Variants in VAV3 observed in about 807,000 individuals in gnomAD.
VAV3 encodes vav guanine nucleotide exchange factor 3, also known as guanine nucleotide exchange factor VAV3.
Under a neutral mutation model 131.2 loss-of-function variants are expected in VAV3, and 94 were observed. The ratio of observed to expected loss-of-function variants is 0.72; its 90% CI spans 0.61 to 0.85. The LOEUF is 0.85. Among genes scored for constraint, VAV3 ranks in the 40% least tolerant of loss-of-function variants. The pLI, the probability that VAV3 is intolerant of heterozygous loss-of-function variation, is 0.00. For synonymous variants in VAV3, 349 were observed against 342.0 expected, an observed-to-expected ratio of 1.02 and a Z score of -0.22; for missense variants, 939 against 1,002.7, an observed-to-expected ratio of 0.94 and a Z score of 0.86.
chr1:107,661,814 T>A (rs1657042968), intron 19 of VAV3, among the ~76,000 whole-genome samples: 1 of 152,214 alleles, frequency 6.6e-6, no homozygotes, highest in African/African-American at 2.4e-5. Flanking sequence ...GGCTTTAGAC[T>A]GTAAGTCCTT....
intron 15 of VAV3, among the ~76,000 whole-genome samples, chr1:107,729,220 C>G (rs1275060322): frequency 6.6e-6 from 1 of 152,106 alleles, no homozygotes; most frequent in East Asian, 1.9e-4. Flanking sequence ...TATGTCAAAG[C>G]TCAAATATTC....
intron 2 of VAV3, among the ~76,000 whole-genome samples, chr1:107,874,013 A>G (rs1670370015): frequency 6.6e-6 from 1 of 152,330 alleles, no homozygotes; most frequent in Non-Finnish European, 1.5e-5. Context: ...GAGTTAAAAC[A>G]ATGTATACTC....
intron 15 of VAV3, among the ~76,000 whole-genome samples, chr1:107,723,135 T>A (rs991763659): frequency 1.2e-4 from 19 of 152,170 alleles, no homozygotes; most frequent in African/African-American, 4.6e-4. Context: ...TTTTGTATCC[T>A]CATAAATGGT....
intron 1 of VAV3, among the ~76,000 whole-genome samples, chr1:107,925,936 AC>A (rs1557928400): frequency 6.6e-6 from 1 of 151,574 alleles, no homozygotes; most frequent in African/African-American, 2.4e-5. Flanking sequence ...GTATATATAA[AC>A]AGAGATGTAT....
At chr1:107,961,678 C>T (rs1218065281) in intron 1 of VAV3, among the ~76,000 whole-genome samples, 1 of 152,190 alleles carries the variant, frequency 6.6e-6, no homozygotes, top group African/African-American at 2.4e-5. Context: ...AAAAAATATA[C>T]TTATTTTTGA....
At chr1:107,872,063 C>T (rs1248497307) in intron 2 of VAV3, among the ~76,000 whole-genome samples, 1 of 152,040 alleles carries the variant, frequency 6.6e-6, no homozygotes, top group Non-Finnish European at 1.5e-5. Context: ...TCATCCTTTT[C>T]CCTGACCATC....
chr1:107,880,918 T>C (rs1489783452), intron 1 of VAV3, among the ~76,000 whole-genome samples: 28 of 152,188 alleles, frequency 1.8e-4, no homozygotes, highest in Non-Finnish European at 1.5e-5. Flanking sequence ...CTATGCTAAA[T>C]GTTTATGCCA....
At chr1:107,761,392 C>CAAAAAA (rs35391183) in intron 9 of VAV3, among the ~76,000 whole-genome samples, 4 of 102,520 alleles carry the variant, frequency 3.9e-5, no homozygotes, top group East Asian at 3.0e-4. Flanking sequence ...GACTCCGTCT[C>CAAAAAA]AAAAAAAAAA....
At chr1:107,726,224 G>A (rs1309352065) in intron 15 of VAV3, among the ~76,000 whole-genome samples, 2 of 152,110 alleles carry the variant, frequency 1.3e-5, no homozygotes, top group African/African-American at 2.4e-5. Flanking sequence ...TACACATACA[G>A]ATAAATCAAT....
intron 17 of VAV3, among the ~76,000 whole-genome samples, chr1:107,698,791 C>T (rs1374890096): frequency 6.6e-6 from 1 of 152,064 alleles, no homozygotes; most frequent in Non-Finnish European, 1.5e-5. Flanking sequence ...ACAATCATGG[C>T]AGAAGGCAAA....
chr1:107,589,238 A>C (rs922525536), intron 25 of VAV3, among the ~76,000 whole-genome samples: 1 of 152,212 alleles, frequency 6.6e-6, no homozygotes, highest in Non-Finnish European at 1.5e-5. Context: ...TGAACCTGTG[A>C]ATGTGACTTT....
intron 15 of VAV3, among the ~76,000 whole-genome samples, chr1:107,720,787 C>A (rs1394987239): frequency 6.6e-6 from 1 of 152,134 alleles, no homozygotes; most frequent in Non-Finnish European, 1.5e-5. Flanking sequence ...AGACAAGGCC[C>A]ACATACATCA....
At chr1:107,708,137 G>T (rs1272377575) in intron 15 of VAV3, among the ~76,000 whole-genome samples, 2 of 152,150 alleles carry the variant, frequency 1.3e-5, no homozygotes, top group Non-Finnish European at 2.9e-5. Context: ...AGATAGGTTG[G>T]CAGGGACCAA....
At chr1:107,913,244 G>A (rs1305489268) in intron 1 of VAV3, among the ~76,000 whole-genome samples, 2 of 152,154 alleles carry the variant, frequency 1.3e-5, no homozygotes, top group Non-Finnish European at 2.9e-5. Flanking sequence ...TGTTTAAGAT[G>A]AATTCCACAA....
At chr1:107,708,191 T>A (rs577298984) in intron 15 of VAV3, among the ~76,000 whole-genome samples, 1 of 151,950 alleles carries the variant, frequency 6.6e-6, no homozygotes, top group East Asian at 1.9e-4. Flanking sequence ...CACATTTAGT[T>A]GAGGAAGAAA....
intron 1 of VAV3, among the ~76,000 whole-genome samples, chr1:107,908,421 T>G (rs574465171): frequency 6.6e-6 from 1 of 152,292 alleles, no homozygotes; most frequent in East Asian, 1.9e-4. Context: ...CTTCCCTATA[T>G]CAATGCTCTT....
chr1:107,896,780 T>C (rs1223496617), intron 1 of VAV3, among the ~76,000 whole-genome samples: 2 of 152,226 alleles, frequency 1.3e-5, no homozygotes, highest in African/African-American at 4.8e-5. Context: ...CCGTTCCATT[T>C]ATACCACTTT....
intron 19 of VAV3, among the ~76,000 whole-genome samples, chr1:107,654,870 G>C (rs1419488144): frequency 6.6e-6 from 1 of 151,856 alleles, no homozygotes; most frequent in African/African-American, 2.4e-5. Context: ...TAATGAAATA[G>C]TACCTACATT....
intron 1 of VAV3, among the ~76,000 whole-genome samples, chr1:107,959,088 C>T (rs1477099592): frequency 6.6e-6 from 1 of 151,924 alleles, no homozygotes; most frequent in African/African-American, 2.4e-5. Flanking sequence ...AAGGTAAAAC[C>T]CCGTCTCTAC....
Sources: allele counts gnomAD v4.1 joint callset (sites outside exome capture counted in the v4.1 genomes callset), GRCh38; gene constraint gnomAD v4.1.1; transcripts MANE v1.5; gene names NCBI Gene and HGNC (gene_info 2026-07-23, HGNC 2026-07-21).